The following LHX9 variants were observed in gnomAD, a reference collection of about 807,000 sequenced individuals.
LHX9 encodes the protein LIM homeobox 9.
Under a neutral mutation model 36.5 loss-of-function variants are expected in LHX9, and 9 were observed. The ratio of observed to expected loss-of-function variants is 0.25; its 90% confidence interval spans 0.15 to 0.43. The LOEUF is 0.43. LHX9 is among the 20% of genes least tolerant of loss of function. The probability of loss-of-function intolerance (pLI) is 1.00; values close to 1 mark genes in which losing one functional copy is unlikely to be tolerated. For synonymous variants in LHX9, 211 were observed against 212.1 expected (o/e 0.99, Z 0.04); for missense variants, 464 against 526.4 (o/e 0.88, Z 1.16).
chr1:197,917,296 G>C, upstream of LHX9: 3 of 1,234,794 alleles, frequency 2.4e-6, no homozygotes, highest in Non-Finnish European at 3.1e-6. Context: ...TCCGGGGAGA[G>C]AACTCCTCCT....
In LHX9 at chr1:197,932,012, C is replaced by T. The variant is rs1473936317; in HGVS notation, c.*2753C>T. 1 of 1,442,766 alleles carries T rather than the reference C, an allele frequency of 6.9e-7. No individual in the cohort carries two copies. The highest frequency in any genetic ancestry group is 2.0e-5 in the Admixed American group (1 of 50,490). The allele number at this position is 1,442,766 out of a possible 1,614,324, so 89.4% of individuals were successfully genotyped here. On this transcript the variant is annotated 3_prime_UTR_variant, in exon 5 of 5. Coordinates refer to ENST00000367387, the MANE Select transcript of LHX9 (RefSeq NM_020204.3). ...AAGGGGAAAAGTTTGATCGGAAATC[C>T]ACTGCAGTGAAGACAAAGACACTAT... is the stretch of plus-strand genomic sequence containing the variant.
At chr1:197,918,496 G>T (rs1235007880) in intron 1 of LHX9, 4 of 659,246 alleles carry the variant, frequency 6.1e-6, no homozygotes, top group Non-Finnish European at 1.1e-5. Flanking sequence ...TTCTCTAGAC[G>T]CTCGGGGCTT....
rs1275673124 is a variant in LHX9 at position 197,929,104 on chromosome 1, T to A, written c.1039T>A (p.Ser347Thr). ...CGGCACGTCGCTTCCGGCCCCGCCC[T>A]CAGCAGACAGCGGAGCTCTCACTCC... Reference protein sequence around the residue: ...ADGTSLPAPPSADSGALTPPG... With the variant: ...ADGTSLPAPPTADSGALTPPG... Residue 347 changes from serine to threonine, a missense_variant, in exon 5 of 5, where the codon TCA (serine) becomes ACA (threonine). Around this residue, in one of 5 missense-constraint regions of LHX9, gnomAD observed 102 missense variants for 97.0 expected, o/e 1.05. Transcript: ENST00000367387. 1 of 1,613,570 alleles carries A rather than the reference T, an allele frequency of 6.2e-7. No homozygotes were observed. The highest frequency in any genetic ancestry group is 8.5e-7 in the Non-Finnish European group (1 of 1,179,904).
chr1:197,932,995 T>G lies in LHX9; in HGVS notation c.*3736T>G, dbSNP rs904595474. 2.6e-5 allele frequency: 4 copies of G among 151,954 alleles called. No individual in the cohort carries two copies. Among genetic ancestry groups the G allele is most frequent in the African/African-American group, 9.7e-5 (4 of 41,428 alleles). 9.4% of individuals were successfully genotyped at this position (151,954 alleles called of 1,614,324 possible). ...TCTGAACTATAAAAAGATCCAATCT[T>G]TGCATAGTTCAATTACATATGATTA... On this transcript the variant is annotated 3_prime_UTR_variant, in exon 5 of 5. Coordinates refer to ENST00000367387, the MANE Select transcript of LHX9 (RefSeq NM_020204.3).
Position 197,921,506 on chromosome 1 carries a change from G to A in LHX9, c.580G>A (p.Glu194Lys). 1.9e-6 allele frequency: 3 copies of A among 1,614,184 alleles called. No homozygotes were observed. The highest frequency in any genetic ancestry group is 2.5e-6 in the Non-Finnish European group (3 of 1,180,036). The change falls in exon 3 of 5, where the codon GAG becomes AAG. Residue 194 changes from glutamate to lysine, a missense_variant. Glu to Lys is a moderately conservative substitution (Grantham distance 56). Transcript: ENST00000367387. The surrounding 1 kb of genome is among the most constrained non-coding windows in gnomAD (Gnocchi z 4.6). ...CCACTTCGAGACCCTCTTGCAAGGA[G>A]AGTATCCACCGCAGCTGAGCTACAC... The part of the protein sequence containing the change: ...RAHFETLLQG[E>K]YPPQLSYTEL...
At position 197,930,358 on chromosome 1, in the gene LHX9, C is replaced by T. The variant is rs1422669313; in HGVS notation, c.*1099C>T. The T allele has an allele frequency of 6.6e-6, 1 of 152,114 alleles. No individual in the cohort carries two copies. The highest frequency in any genetic ancestry group is 2.1e-4 in the South Asian group (1 of 4,830). 9.4% of individuals were successfully genotyped at this position (152,114 alleles called of 1,614,324 possible). The stretch of plus-strand genomic sequence containing the variant: ...TTATTAGTCTTAAAGTAGATAAACT[C>T]AGAAGCCTTGTGGATGCTGATCTGA... On this transcript the variant is annotated 3_prime_UTR_variant, in exon 5 of 5. Coordinates refer to ENST00000367387, the MANE Select transcript of LHX9 (RefSeq NM_020204.3).
At chr1:197,912,464 C>A, upstream of LHX9, 2 of 1,559,152 alleles carry the variant, frequency 1.3e-6, no homozygotes, top group Non-Finnish European at 1.8e-6. Context: ...TACCGCCGGT[C>A]TGACTCCCGG....
At chr1:197,920,576 CAG>C (rs1248780790) in intron 2 of LHX9, among the ~76,000 whole-genome samples, 1 of 152,052 alleles carries the variant, frequency 6.6e-6, no homozygotes, top group Non-Finnish European at 1.5e-5. Flanking sequence ...GCAGCAGCAA[CAG>C]AGTGTTAGGT....
rs944054593 is a variant in LHX9 at position 197,933,098 on chromosome 1, T to G, written c.*3839T>G. ...TTTTTTAATTGTTAAAGGGAATATT[T>G]GAAGAATAAAATTTTAGCTATTCCT... is the stretch of plus-strand genomic sequence containing the variant. On this transcript the variant is annotated 3_prime_UTR_variant, in exon 5 of 5. Coordinates refer to ENST00000367387, the MANE Select transcript of LHX9 (RefSeq NM_020204.3). The G allele has an allele frequency of 3.9e-5, 6 of 151,952 alleles. No individual in the cohort carries two copies. Among genetic ancestry groups the G allele is most frequent in the African/African-American group, 1.4e-4 (6 of 41,428 alleles). The allele number at this position is 151,952 out of a possible 1,614,324, so 9.4% of individuals were successfully genotyped here. A position where few individuals can be genotyped will look rare whatever the true frequency, so the allele number is the denominator to read the frequency against.
intron 1 of LHX9, among the ~76,000 whole-genome samples, chr1:197,919,528 TCG>T (rs1176022902): frequency 6.6e-6 from 1 of 152,226 alleles, no homozygotes; most frequent in African/African-American, 2.4e-5. Context: ...TTTAGAGAAA[TCG>T]AACTGTAATA....
At chr1:197,923,282 C>T (rs115995125) in intron 3 of LHX9, among the ~76,000 whole-genome samples, 2,421 of 152,324 alleles carry the variant, frequency 0.016, 60 homozygotes, top group African/African-American at 0.055. Flanking sequence ...GGCGAAGCCC[C>T]GGGTTTTGGC....
Position 197,917,771 on chromosome 1 carries a change from C to A in LHX9, c.-53C>A. On this transcript the variant is annotated 5_prime_UTR_variant, in exon 1 of 5. The change creates a new upstream start codon in the 5' untranslated region. Transcript: ENST00000367387. The stretch of plus-strand genomic sequence containing the variant: ...CTGCGCTCCTACAGGGCAGCCCTCT[C>A]TGGTCCCTTGCCTCCTTCACTCGGA... 1 of 1,613,754 alleles carries A rather than the reference C, an allele frequency of 6.2e-7. No individual in the cohort carries two copies. The highest frequency in any genetic ancestry group is 8.5e-7 in the Non-Finnish European group (1 of 1,179,848).
rs1393034792 is a variant in LHX9 at position 197,929,266 on chromosome 1, T to G, written c.*7T>G. The G allele has an allele frequency of 1.3e-6, 1 of 785,874 alleles. No individual in the cohort carries two copies. Among genetic ancestry groups the G allele is most frequent in the Non-Finnish European group, 1.7e-6 (1 of 580,440 alleles). 48.7% of individuals were successfully genotyped at this position (785,874 alleles called of 1,614,324 possible). ...CTTAACAAACCTTTTCTAACATTGG[T>G]TTTTTTTTTTTAGTTTTTAAATTCT... On this transcript the variant is annotated 3_prime_UTR_variant, in exon 5 of 5. Transcript: ENST00000367387.
In LHX9 at chr1:197,918,801, G is replaced by GT. The variant is rs376609330; in HGVS notation, c.174+804_174+805insT. ...TTCCCTTTCCAGATTACTAACGGGG[G>GT]GGGGGGGGGACTACAGAAGTCTCCG... On this transcript the variant is annotated intron_variant, in intron 1 of 4. Coordinates refer to ENST00000367387, the MANE Select transcript of LHX9 (RefSeq NM_020204.3). 3.1e-4 allele frequency: 20 copies of GT among 65,196 alleles called. 3 individuals are homozygous for GT. Among genetic ancestry groups the GT allele is most frequent in the Non-Finnish European group, 5.5e-4 (15 of 27,492 alleles). The allele number at this position is 65,196 out of a possible 1,614,324, so 4.0% of individuals were successfully genotyped here.
chr1:197,923,898 A>T (rs1319002076), intron 3 of LHX9, among the ~76,000 whole-genome samples: 1 of 152,166 alleles, frequency 6.6e-6, no homozygotes, highest in Non-Finnish European at 1.5e-5. Flanking sequence ...AAAATTGCTT[A>T]GGCCCCCTTA....
intron 3 of LHX9, among the ~76,000 whole-genome samples, chr1:197,924,291 T>C (rs1660083166): frequency 1.3e-5 from 2 of 152,252 alleles, no homozygotes; most frequent in Non-Finnish European, 2.9e-5. Context: ...AAGGGTAAGG[T>C]TGATACTAAA....
At position 197,917,610 on chromosome 1, in the gene LHX9, A is replaced by G. The variant is rs966511804; in HGVS notation, c.-214A>G. 21 of 1,511,010 alleles carry G rather than the reference A, an allele frequency of 1.4e-5. No homozygotes were observed. Among genetic ancestry groups the G allele is most frequent in the Non-Finnish European group, 1.9e-5 (21 of 1,129,640 alleles). 93.6% of individuals were successfully genotyped at this position (1,511,010 alleles called of 1,614,324 possible). A position where few individuals can be genotyped will look rare whatever the true frequency, so the allele number is the denominator to read the frequency against. ...TGTTTGTTTTCTGCACATCTCCTTC[A>G]GGGAGCCGCTGAGGCTTCCCCCCAA... On this transcript the variant is annotated 5_prime_UTR_variant, in exon 1 of 5. Transcript: ENST00000367387.
chr1:197,926,595 G>T (rs377624013), intron 3 of LHX9, among the ~76,000 whole-genome samples: 1 of 152,170 alleles, frequency 6.6e-6, no homozygotes, highest in African/African-American at 2.4e-5. Context: ...CAAAGACTGG[G>T]TTGTTTTGCC....
chr1:197,931,361 CTTTG>C lies in LHX9; in HGVS notation c.*2106_*2109del, dbSNP rs1447442218. 6.6e-6 allele frequency: 1 copy of C among 151,936 alleles called. No individual in the cohort carries two copies. The highest frequency in any genetic ancestry group is 1.5e-5 in the Non-Finnish European group (1 of 67,846). The allele number at this position is 151,936 out of a possible 1,614,324, so 9.4% of individuals were successfully genotyped here. On this transcript the variant is annotated 3_prime_UTR_variant, in exon 5 of 5. Coordinates refer to ENST00000367387, the MANE Select transcript of LHX9 (RefSeq NM_020204.3). Reference sequence around the variant, plus strand: ...TGGTCTAGCAAAATTGTCCATGTTTCTTTGTTTATTGATAAATGCATTGTATAGA... The same window carrying C: ...TGGTCTAGCAAAATTGTCCATGTTTCTTTATTGATAAATGCATTGTATAGA...
Sources: gnomAD v4.1 joint callset for allele counts (sites outside exome capture counted in the v4.1 genomes callset) on GRCh38, gnomAD v4.1.1 for gene constraint, gnomAD v4.1.1 regional missense constraint, Gnocchi (gnomAD v3.1) non-coding constraint, MANE v1.5 for transcripts, NCBI Gene and HGNC (gene_info 2026-07-23, HGNC 2026-07-21) for gene names.